PIP5K1B: variants seen among roughly 807,000 people sequenced by gnomAD.
The protein encoded by PIP5K1B is phosphatidylinositol 4-phosphate 5-kinase type-1 beta.
PIP5K1B carries 42 observed loss-of-function variants against 67.0 expected under a neutral mutation model. That is an observed-to-expected ratio of 0.63 (90% CI 0.49 to 0.81). The LOEUF (loss-of-function observed/expected upper bound fraction) is 0.81, where lower values mean the gene tolerates loss of function less well. Among genes scored for constraint, PIP5K1B ranks in the 30% least tolerant of loss-of-function variants. PIP5K1B has a pLI of 0.00. For synonymous variants in PIP5K1B, 214 were observed against 231.4 expected (o/e 0.92, Z 0.68); for missense variants, 459 against 646.3 (o/e 0.71, Z 3.14).
chr9:68,952,538 G>T (rs73647034), intron 14 of PIP5K1B, among the ~76,000 whole-genome samples: 1 of 152,208 alleles, frequency 6.6e-6, no homozygotes, highest in African/African-American at 2.4e-5. Flanking sequence ...TTTTCCAGAA[G>T]AAAATCCTCC....
intron 2 of PIP5K1B, chr9:68,781,706 C>T (rs557820815): frequency 1.1e-3 from 176 of 166,072 alleles, no homozygotes; most frequent in Non-Finnish European, 1.2e-3. Flanking sequence ...TCTAGTCAGT[C>T]ATACAACTAT....
At chr9:68,775,692 G>T (rs1830882524) in intron 2 of PIP5K1B, among the ~76,000 whole-genome samples, 1 of 152,146 alleles carries the variant, frequency 6.6e-6, no homozygotes, top group Admixed American at 6.5e-5. Flanking sequence ...GACCAACGTT[G>T]GCCACAGGTT....
At chr9:68,945,066 C>CT (rs575360583) in intron 14 of PIP5K1B, among the ~76,000 whole-genome samples, 1,429 of 139,872 alleles carry the variant, frequency 0.01, 17 homozygotes, top group African/African-American at 0.029. Context: ...TGTTTGAGAC[C>CT]TTTTTTTTTT....
At chr9:68,857,840 A>T (rs569470341) in intron 4 of PIP5K1B, among the ~76,000 whole-genome samples, 1 of 142,920 alleles carries the variant, frequency 7.0e-6, no homozygotes, top group East Asian at 1.9e-4. Context: ...GCACTCCAGC[A>T]TATGTTGTAG....
intron 3 of PIP5K1B, among the ~76,000 whole-genome samples, chr9:68,821,784 C>T (rs576722137): frequency 1.6e-4 from 25 of 152,290 alleles, no homozygotes; most frequent in Non-Finnish European, 2.6e-4. Flanking sequence ...GTACTATTTG[C>T]AGGAGCAAAA....
chr9:68,794,137 G>A (rs923615825), intron 2 of PIP5K1B, among the ~76,000 whole-genome samples: 4 of 152,184 alleles, frequency 2.6e-5, no homozygotes, highest in Admixed American at 6.5e-5. Flanking sequence ...GAGTCATTGC[G>A]GTGGAGTGGT....
intron 15 of PIP5K1B, among the ~76,000 whole-genome samples, chr9:69,004,338 TG>T (rs1454247541): frequency 8.4e-4 from 26 of 31,036 alleles, no homozygotes; most frequent in Admixed American, 5.4e-3. Context: ...TGTGTGTTTT[TG>T]TGTGTGTGTG....
rs1195542239 is a variant in PIP5K1B, at chr9:68,894,532, A to G, written c.665A>G (p.Asn222Ser). The G allele has an allele frequency of 6.2e-7, 1 of 1,613,954 alleles. No individual in the cohort carries two copies. The highest frequency in any genetic ancestry group is 1.1e-5 in the South Asian group (1 of 91,078). ...TCCCGTAAAGAGAGAGAGAAATCCAACCCCACATTTAAGGACTTAGATTTC... is the reference window on the plus strand; with the variant it reads ...TCCCGTAAAGAGAGAGAGAAATCCAGCCCCACATTTAAGGACTTAGATTTC... ...RASRKEREKSNPTFKDLDFLQ... is the reference protein window; with the variant it reads ...RASRKEREKSSPTFKDLDFLQ... The change falls in exon 8 of 16, where the codon AAC becomes AGC. Residue 222 changes from asparagine to serine, a missense_variant. Transcript: ENST00000265382.
intron 2 of PIP5K1B, among the ~76,000 whole-genome samples, chr9:68,816,998 T>C (rs1366785642): frequency 1.3e-5 from 2 of 152,192 alleles, no homozygotes; most frequent in Admixed American, 1.3e-4. Flanking sequence ...AGAAGAATAA[T>C]ACTTGCAACC....
intron 2 of PIP5K1B, among the ~76,000 whole-genome samples, chr9:68,761,309 A>G (rs547777076): frequency 6.6e-6 from 1 of 152,222 alleles, no homozygotes; most frequent in African/African-American, 2.4e-5. Context: ...TATGGTAGAG[A>G]AGGCAATGAT....
chr9:68,907,314 C>G (rs7019202), intron 8 of PIP5K1B, among the ~76,000 whole-genome samples: 1 of 152,068 alleles, frequency 6.6e-6, no homozygotes, highest in Admixed American at 6.6e-5. Flanking sequence ...TCCATACTCA[C>G]GCATTCCAGC....
intron 1 of PIP5K1B, chr9:68,742,137 C>T (rs1829039842): frequency 1.3e-5 from 2 of 152,094 alleles, no homozygotes; most frequent in Admixed American, 1.3e-4. Context: ...CATCAGAGAG[C>T]CTATATTAAG....
intron 4 of PIP5K1B, among the ~76,000 whole-genome samples, chr9:68,845,775 C>T (rs1239374351): frequency 1.3e-5 from 2 of 152,144 alleles, no homozygotes; most frequent in African/African-American, 2.4e-5. Context: ...GATCTTGAAA[C>T]GTGAGGTTAC....
intron 14 of PIP5K1B, among the ~76,000 whole-genome samples, chr9:68,969,928 G>A (rs548720188): frequency 6.6e-6 from 1 of 152,248 alleles, no homozygotes; most frequent in East Asian, 1.9e-4. Flanking sequence ...TAACATTGAG[G>A]ACATATTTGT....
intron 14 of PIP5K1B, among the ~76,000 whole-genome samples, chr9:68,966,077 G>A (rs972568688): frequency 1.3e-5 from 2 of 151,416 alleles, no homozygotes; most frequent in African/African-American, 2.4e-5. Context: ...AGCTAAAATT[G>A]GAACAATTTG....
At chr9:68,752,492 T>C (rs886707693) in intron 2 of PIP5K1B, among the ~76,000 whole-genome samples, 4 of 152,198 alleles carry the variant, frequency 2.6e-5, no homozygotes, top group Non-Finnish European at 5.9e-5. Flanking sequence ...ATTCTTTCTT[T>C]TTTTTTCTTC....
intron 2 of PIP5K1B, among the ~76,000 whole-genome samples, chr9:68,753,475 G>T (rs1217093738): frequency 9.6e-5 from 14 of 145,392 alleles, no homozygotes; most frequent in Admixed American, 9.1e-4. Flanking sequence ...TAGTAGCTGG[G>T]ACTACAGGCG....
At chr9:68,754,420 C>T (rs1475393554) in intron 2 of PIP5K1B, among the ~76,000 whole-genome samples, 2 of 151,268 alleles carry the variant, frequency 1.3e-5, no homozygotes, top group Non-Finnish European at 3.0e-5. Context: ...TCACCCGCCT[C>T]AGCCTCCCAA....
chr9:68,969,626 C>T (rs1829248042), intron 14 of PIP5K1B, among the ~76,000 whole-genome samples: 1 of 152,028 alleles, frequency 6.6e-6, no homozygotes, highest in Admixed American at 6.6e-5. Context: ...TGCTCACCAG[C>T]CCAGAGTCTA....
Sources: gnomAD v4.1 joint callset for allele counts (sites outside exome capture counted in the v4.1 genomes callset) on GRCh38, gnomAD v4.1.1 for gene constraint, MANE v1.5 for transcripts, NCBI Gene and HGNC (gene_info 2026-07-23, HGNC 2026-07-21) for gene names.